PCDHA9: variants seen among roughly 807,000 people sequenced by gnomAD.
PCDHA9 encodes protocadherin alpha 9.
Under a neutral mutation model 62.0 loss-of-function variants are expected in PCDHA9, and 62 were observed. That is an observed-to-expected ratio of 1.00 (90% CI 0.81 to 1.23). The LOEUF is 1.23. Among genes scored for constraint, PCDHA9 ranks in the 50% most tolerant of loss-of-function variants. The pLI is 0.00. For synonymous variants in PCDHA9, 557 were observed against 567.6 expected (o/e 0.98, Z 0.27); for missense variants, 1,205 against 1,249.8 (o/e 0.96, Z 0.54).
Position 140,891,839 on chromosome 5 carries a change from T to C in PCDHA9, c.2394+40950T>C, listed in dbSNP as rs10074902. Among the ~76,000 whole-genome samples, 663 of 152,284 alleles carry C rather than the reference T, an allele frequency of 4.4e-3. 7 individuals carry two copies. The highest frequency in any genetic ancestry group is 0.015 in the African/African-American group (618 of 41,564). On this transcript the variant is annotated intron_variant, in intron 1 of 3. Coordinates refer to ENST00000532602, the MANE Select transcript of PCDHA9 (RefSeq NM_031857.2). ...TTAACGGCACTGTAAAAGGACTTGA[T>C]GGAAGGAGCCTGTCCCTCTCTTATG...
chr5:140,995,237 T>G (rs1242320046), intron 3 of PCDHA9, among the ~76,000 whole-genome samples: 1 of 152,148 alleles, frequency 6.6e-6, no homozygotes, highest in African/African-American at 2.4e-5. Context: ...GGGCCAGTAT[T>G]AAGTAAAATA....
At chr5:140,861,503 C>A in intron 1 of PCDHA9, 1 of 478,536 alleles carries the variant, frequency 2.1e-6, no homozygotes, top group Non-Finnish European at 4.3e-6. Context: ...TGATAGACCT[C>A]GAGGAGCTGT....
intron 1 of PCDHA9, among the ~76,000 whole-genome samples, chr5:140,899,610 A>G (rs2067438350): frequency 6.6e-6 from 1 of 152,164 alleles, no homozygotes; most frequent in Admixed American, 6.5e-5. Flanking sequence ...TTTTGCATCA[A>G]TGTTCATCAA....
intron 1 of PCDHA9, among the ~76,000 whole-genome samples, chr5:140,854,986 T>C (rs1266471979): frequency 2.0e-5 from 3 of 149,894 alleles, no homozygotes; most frequent in African/African-American, 7.3e-5. Context: ...TTAAGATTCT[T>C]TTTGCCCGTG....
chr5:140,892,608 TA>T (rs1442553538), intron 1 of PCDHA9, among the ~76,000 whole-genome samples: 2 of 152,184 alleles, frequency 1.3e-5, no homozygotes, highest in African/African-American at 4.8e-5. Flanking sequence ...TTTTTCCTTT[TA>T]TTTCCAGTTG....
chr5:140,911,953 G>T (rs1554195050), intron 1 of PCDHA9, among the ~76,000 whole-genome samples: 1 of 152,094 alleles, frequency 6.6e-6, no homozygotes, highest in Non-Finnish European at 1.5e-5. Context: ...TAAAGGGGAG[G>T]TTACTAAGGA....
intron 1 of PCDHA9, chr5:140,863,133 G>T (rs2047814450): frequency 5.0e-6 from 3 of 600,930 alleles, no homozygotes; most frequent in African/African-American, 1.9e-5. Flanking sequence ...GCCACCGCCT[G>T]CTGGTGCTGG....
chr5:140,992,070 GA>G (rs1554252639), intron 3 of PCDHA9, among the ~76,000 whole-genome samples: 1 of 151,052 alleles, frequency 6.6e-6, no homozygotes, highest in Non-Finnish European at 1.5e-5. Context: ...AATTTCAGTA[GA>G]GAATGAGCTA....
Position 140,870,561 on chromosome 5 carries a change from C to A in PCDHA9, c.2394+19672C>A, listed in dbSNP as rs544569992. On this transcript the variant is annotated intron_variant, in intron 1 of 3. Transcript: ENST00000532602. Reference sequence around the variant, plus strand: ...CGCGGGACGCGGACGCGCAGGAGAACGCGCTGGTGTCCTACTCGCTGGTGG... The same window carrying A: ...CGCGGGACGCGGACGCGCAGGAGAAAGCGCTGGTGTCCTACTCGCTGGTGG... 86 of 1,614,010 alleles carry A rather than the reference C, an allele frequency of 5.3e-5. No homozygotes were observed. In the East Asian group the frequency reaches 1.7e-3, roughly 33 times the overall value.
chr5:140,984,726 A>C (rs549219216), intron 3 of PCDHA9, among the ~76,000 whole-genome samples: 51 of 152,276 alleles, frequency 3.3e-4, no homozygotes, highest in Non-Finnish European at 5.0e-4. Flanking sequence ...AAAGATTAAG[A>C]TTATGATTTA....
At chr5:140,857,435 G>A (rs912006741) in intron 1 of PCDHA9, 4 of 1,598,574 alleles carry the variant, frequency 2.5e-6, no homozygotes, top group Admixed American at 3.4e-5. Flanking sequence ...CACGGTGTTC[G>A]TGAAGGAGAA....
In PCDHA9 at chr5:140,850,634, C is replaced by T. The variant is rs2150491694; in HGVS notation, c.2139C>T (p.Leu713=). The part of the protein sequence containing the change: ...AICAVSSLLV[L]TLLLYTVLRC... The stretch of plus-strand genomic sequence containing the variant: ...GCGCGGTGTCTAGCCTGTTGGTTCT[C>T]ACGCTGCTGCTGTACACTGTGCTGC... Residue 713 remains leucine (L), a synonymous_variant, in exon 1 of 4, where the codon CTC becomes CTT. Transcript: ENST00000532602. The T allele has an allele frequency of 1.3e-6, 2 of 1,598,662 alleles. No homozygotes were observed. The highest frequency in any genetic ancestry group is 1.1e-5 in the South Asian group (1 of 90,558).
At chr5:140,854,340 A>G in intron 1 of PCDHA9, 1 of 189,954 alleles carries the variant, frequency 5.3e-6, no homozygotes, top group Non-Finnish European at 9.6e-6. Context: ...TTTACGCTCC[A>G]GATAGCTAAA....
intron 1 of PCDHA9, among the ~76,000 whole-genome samples, chr5:140,922,046 A>C (rs1388720677): frequency 6.6e-6 from 1 of 152,150 alleles, no homozygotes; most frequent in Non-Finnish European, 1.5e-5. Flanking sequence ...TTTCCCACAT[A>C]CCTTCAAAAT....
chr5:140,913,035 T>C (rs1277110200), intron 1 of PCDHA9, among the ~76,000 whole-genome samples: 2 of 152,242 alleles, frequency 1.3e-5, no homozygotes, highest in African/African-American at 4.8e-5. Context: ...TCATCAGATA[T>C]ATTGGCCTGG....
At position 140,849,787 on chromosome 5, in the gene PCDHA9, G is replaced by T. The variant is rs1421161535; in HGVS notation, c.1292G>T (p.Gly431Val). 3 of 1,598,342 alleles carry T rather than the reference G, an allele frequency of 1.9e-6. 1 individual carries two copies. In the African/African-American group the frequency reaches 4.0e-5, roughly 21 times the overall value. Residue 431 changes from glycine (G) to valine (V), a missense_variant, in exon 1 of 4, where the codon GGC (glycine) becomes GTC (valine). This residue lies in a region of PCDHA9 where 887 missense variants were observed against 809.5 expected (regional missense o/e 1.10). Transcript: ENST00000532602. Reference protein sequence around the residue: ...YELVVTARDGGSPSLWATARV... With the variant: ...YELVVTARDGVSPSLWATARV... Reference sequence around the variant, plus strand: ...CTGGTGGTTACCGCGCGGGACGGGGGCTCGCCTTCACTGTGGGCCACGGCC... The same window carrying T: ...CTGGTGGTTACCGCGCGGGACGGGGTCTCGCCTTCACTGTGGGCCACGGCC...
intron 3 of PCDHA9, among the ~76,000 whole-genome samples, chr5:141,003,559 T>C (rs2098129977): frequency 6.6e-6 from 1 of 152,106 alleles, no homozygotes; most frequent in Admixed American, 6.5e-5. Context: ...GTGATCCACC[T>C]GCCTCAGACT....
At chr5:140,998,850 A>G (rs904977478) in intron 3 of PCDHA9, among the ~76,000 whole-genome samples, 18 of 152,234 alleles carry the variant, frequency 1.2e-4, no homozygotes, top group Non-Finnish European at 2.1e-4. Context: ...GGTGTGAGCC[A>G]CATGCCTGGC....
intron 1 of PCDHA9, among the ~76,000 whole-genome samples, chr5:140,881,750 C>T (rs1161973911): frequency 6.6e-6 from 1 of 152,092 alleles, no homozygotes; most frequent in Non-Finnish European, 1.5e-5. Flanking sequence ...AGGACAGTAC[C>T]ACAAAAACCT....
Sources: allele counts gnomAD v4.1 joint callset (sites outside exome capture counted in the v4.1 genomes callset), GRCh38; gene constraint gnomAD v4.1.1; regional missense constraint gnomAD v4.1.1; transcripts MANE v1.5; gene names NCBI Gene and HGNC (gene_info 2026-07-23, HGNC 2026-07-21).